SLC6A4: variants seen among roughly 807,000 people sequenced by gnomAD.
SLC6A4 encodes sodium-dependent serotonin transporter.
In SLC6A4, 22 loss-of-function variants were observed where a neutral mutation model predicts 73.4. The observed-to-expected ratio is 0.30, with a 90% CI of 0.21 to 0.43. The LOEUF is 0.43. Ranked by LOEUF, SLC6A4 falls within the 20% of genes least tolerant of loss-of-function variation. The pLI, the probability that SLC6A4 is intolerant of heterozygous loss-of-function variation, is 1.00. For missense variants in SLC6A4, 593 were observed against 808.5 expected (o/e 0.73, Z 3.23); for synonymous variants, 270 against 315.5 (o/e 0.86, Z 1.53).
At chr17:30,208,671 G>A (rs1001641945) in intron 12 of SLC6A4, among the ~76,000 whole-genome samples, 1 of 150,894 alleles carries the variant, frequency 6.6e-6, no homozygotes, top group South Asian at 2.1e-4. Flanking sequence ...ATGCAAAAGT[G>A]GTTTATTTTT....
chr17:30,226,141 ACTTT>A (rs772186782), intron 1 of SLC6A4, among the ~76,000 whole-genome samples: 5 of 152,198 alleles, frequency 3.3e-5, no homozygotes, highest in Non-Finnish European at 7.4e-5. Context: ...AGGAAACTCA[ACTTT>A]CTTTCTCAAA....
chr17:30,210,077 C>CAA (rs79332361), intron 11 of SLC6A4, among the ~76,000 whole-genome samples: 15 of 121,970 alleles, frequency 1.2e-4, no homozygotes, highest in African/African-American at 3.5e-4. Context: ...CTTCAGCTAC[C>CAA]AAAAAAAAAA....
chr17:30,223,186 T>C (rs1288623265), intron 1 of SLC6A4, among the ~76,000 whole-genome samples: 1 of 152,240 alleles, frequency 6.6e-6, no homozygotes, highest in Non-Finnish European at 1.5e-5. Flanking sequence ...CTGTTTCTTC[T>C]GGGCCTGAGC....
intron 14 of SLC6A4, among the ~76,000 whole-genome samples, chr17:30,199,905 T>C (rs1275647811): frequency 2.0e-5 from 3 of 152,140 alleles, no homozygotes; most frequent in African/African-American, 7.2e-5. Context: ...AGTCCTTTTT[T>C]TTTTTTTTTA....
intron 1 of SLC6A4, among the ~76,000 whole-genome samples, chr17:30,231,447 G>C (rs1457699500): frequency 1.3e-5 from 2 of 150,954 alleles, no homozygotes; most frequent in Non-Finnish European, 2.9e-5. Context: ...ATATATATCT[G>C]TATGTATCTG....
Position 30,208,955 on chromosome 17 carries a change from G to C in SLC6A4, c.1549+188C>G, listed in dbSNP as rs148529732. ...GATCTCAGGTGATCCACCTGTGTCA[G>C]CCTCCCAAAATGCTGGGATTACAGG... On this transcript the variant is annotated intron_variant, in intron 12 of 14. Coordinates refer to ENST00000650711, the MANE Select transcript of SLC6A4 (RefSeq NM_001045.6). Among the ~76,000 whole-genome samples, 957 of 151,904 alleles carry C rather than the reference G, an allele frequency of 6.3e-3. 8 individuals carry two copies. The highest frequency in any genetic ancestry group is 0.022 in the African/African-American group (916 of 41,398).
chr17:30,206,697 T>TTTTTC (rs10646168), intron 13 of SLC6A4, among the ~76,000 whole-genome samples: 31,108 of 104,778 alleles, frequency 0.3, 6,316 homozygotes, highest in East Asian at 0.7. Context: ...TCAATCTCCT[T>TTTTTC]TTTTCTTTTC....
intron 14 of SLC6A4, among the ~76,000 whole-genome samples, chr17:30,201,450 G>A (rs1906033953): frequency 6.6e-6 from 1 of 152,170 alleles, no homozygotes; most frequent in African/African-American, 2.4e-5. Context: ...ATTCCCTTGT[G>A]GCCAACTGGG....
intron 8 of SLC6A4, among the ~76,000 whole-genome samples, chr17:30,214,944 T>G (rs540497189): frequency 6.6e-6 from 1 of 151,816 alleles, no homozygotes; most frequent in South Asian, 2.1e-4. Flanking sequence ...CTCTCTTTCT[T>G]TCTTTCTTTC....
intron 13 of SLC6A4, 57 bp downstream of exon 13, chr17:30,207,675 T>C: frequency 8.7e-7 from 1 of 1,147,740 alleles, no homozygotes; most frequent in Non-Finnish European, 1.3e-6. Flanking sequence ...TCATTTTTTA[T>C]GTGTCTGGGG....
intron 8 of SLC6A4, 68 bp downstream of exon 8, chr17:30,215,543 T>C (rs1232831495): frequency 7.7e-7 from 1 of 1,305,372 alleles, no homozygotes; most frequent in Non-Finnish European, 1.1e-6. Flanking sequence ...TCCAATCACC[T>C]TCCTCCACAC....
At chr17:30,208,480 G>A (rs953162441) in intron 12 of SLC6A4, among the ~76,000 whole-genome samples, 2 of 152,064 alleles carry the variant, frequency 1.3e-5, no homozygotes, top group South Asian at 2.1e-4. Flanking sequence ...TTGCTTCCCC[G>A]AGAGGTCCCA....
At chr17:30,207,887 C>T in intron 12 of SLC6A4, 55 bp from the exon 13 acceptor site, 2 of 1,262,964 alleles carry the variant, frequency 1.6e-6, no homozygotes, top group Non-Finnish European at 2.3e-6. Flanking sequence ...ATGGGCTGTG[C>T]TGCTGTGCCC....
intron 10 of SLC6A4, 86 bp from the exon 11 acceptor site, chr17:30,210,732 G>C: frequency 7.0e-7 from 1 of 1,438,728 alleles, no homozygotes; most frequent in Non-Finnish European, 9.4e-7. Flanking sequence ...GAGGGGTAAG[G>C]TTGCTAAGTG....
At chr17:30,213,773 G>A (rs754524286) in intron 8 of SLC6A4, among the ~76,000 whole-genome samples, 2 of 151,760 alleles carry the variant, frequency 1.3e-5, no homozygotes, top group African/African-American at 2.4e-5. Context: ...TTGAGATAGG[G>A]TCTCCCTCTG....
intron 8 of SLC6A4, among the ~76,000 whole-genome samples, chr17:30,215,064 TC>T (rs1386272118): frequency 6.7e-6 from 1 of 149,920 alleles, no homozygotes; most frequent in Non-Finnish European, 1.5e-5. Flanking sequence ...TCTCTCTCTT[TC>T]TCTCTCTCTC....
chr17:30,209,488 A>G (rs1254625576), intron 11 of SLC6A4, among the ~76,000 whole-genome samples: 3 of 152,172 alleles, frequency 2.0e-5, no homozygotes, highest in Non-Finnish European at 2.9e-5. Context: ...CCTGGCCAAT[A>G]TGGTGAAAAT....
chr17:30,229,198 C>T (rs370870020), intron 1 of SLC6A4, among the ~76,000 whole-genome samples: 2 of 152,268 alleles, frequency 1.3e-5, no homozygotes, highest in East Asian at 1.9e-4. Flanking sequence ...TTAAAGAGCC[C>T]GGGATGGGCT....
At chr17:30,220,189 C>T (rs150153991) in intron 3 of SLC6A4, among the ~76,000 whole-genome samples, 6 of 152,254 alleles carry the variant, frequency 3.9e-5, no homozygotes, top group African/African-American at 9.6e-5. Flanking sequence ...TGTTAGGTCA[C>T]GGGAGAAGTG....
Sources: gnomAD v4.1 joint callset for allele counts (sites outside exome capture counted in the v4.1 genomes callset) on GRCh38, gnomAD v4.1.1 for gene constraint, MANE v1.5 for transcripts, NCBI Gene and HGNC (gene_info 2026-07-23, HGNC 2026-07-21) for gene names.